The following HSD17B12 variants were observed in gnomAD, a reference collection of about 807,000 sequenced individuals.
HSD17B12 encodes hydroxysteroid 17-beta dehydrogenase 12.
A neutral mutation model predicts 39.3 loss-of-function variants in HSD17B12; 32 were observed. The observed-to-expected ratio is 0.81, with a 90% CI of 0.61 to 1.09. The LOEUF (loss-of-function observed/expected upper bound fraction) is 1.09. Ranked by LOEUF, HSD17B12 falls within the 50% of genes least tolerant of loss-of-function variation. HSD17B12 has a pLI of 0.00. For missense variants in HSD17B12, 342 were observed against 382.9 expected (o/e 0.89, Z 0.89); for synonymous variants, 150 against 146.7 (o/e 1.02, Z -0.16).
intron 1 of HSD17B12, among the ~76,000 whole-genome samples, chr11:43,704,438 T>A (rs912116535): frequency 8.5e-5 from 13 of 152,190 alleles, no homozygotes; most frequent in African/African-American, 2.7e-4. Flanking sequence ...TTGTTTATAG[T>A]TTAATTCTCA....
At chr11:43,784,202 G>A (rs756892806) in intron 3 of HSD17B12, among the ~76,000 whole-genome samples, 5 of 151,900 alleles carry the variant, frequency 3.3e-5, no homozygotes, top group Admixed American at 1.3e-4. Flanking sequence ...CGTTACTGGG[G>A]GCTACATGCA....
intron 3 of HSD17B12, among the ~76,000 whole-genome samples, chr11:43,777,578 C>T (rs1348902680): frequency 1.3e-5 from 2 of 152,102 alleles, no homozygotes; most frequent in Non-Finnish European, 2.9e-5. Context: ...TTCCTGTTCT[C>T]CTAATTGAAT....
At chr11:43,665,449 C>T in the HSD17B12 span, among the ~76,000 whole-genome samples, 1 of 152,116 alleles carries the variant, frequency 6.6e-6, no homozygotes, top group African/African-American at 2.4e-5. Context: ...GAACTCCTGA[C>T]CTCAAGTGAT....
At chr11:43,652,667 A>AC in the HSD17B12 span, among the ~76,000 whole-genome samples, 50 of 151,956 alleles carry the variant, frequency 3.3e-4, 1 homozygote, top group Non-Finnish European at 6.2e-4. Context: ...AAAGGATATT[A>AC]CAAAAAAAAA....
chr11:43,562,871 G>A, the HSD17B12 span, among the ~76,000 whole-genome samples: 1 of 152,210 alleles, frequency 6.6e-6, no homozygotes, highest in Non-Finnish European at 1.5e-5. Context: ...CTTCAGGTAA[G>A]GAGAAAGGGA....
intron 10 of HSD17B12, 33 bp from the exon 11 acceptor site, chr11:43,855,111 T>C (rs1951570328): frequency 4.2e-6 from 6 of 1,415,982 alleles, no homozygotes; most frequent in Non-Finnish European, 5.9e-6. Flanking sequence ...TTGTAGGCTA[T>C]AATTACATAT....
At chr11:43,619,394 C>T in the HSD17B12 span, among the ~76,000 whole-genome samples, 2 of 134,196 alleles carry the variant, frequency 1.5e-5, no homozygotes, top group Admixed American at 8.2e-5. Context: ...TTTTTCTTTT[C>T]TTTTTTTTTT....
chr11:43,836,889 A>G (rs998594021), intron 7 of HSD17B12, among the ~76,000 whole-genome samples: 1 of 152,204 alleles, frequency 6.6e-6, no homozygotes, highest in Non-Finnish European at 1.5e-5. Flanking sequence ...AGACACAGAC[A>G]AAAAATACCA....
chr11:43,737,914 A>G (rs968487547), intron 1 of HSD17B12, among the ~76,000 whole-genome samples: 1 of 152,068 alleles, frequency 6.6e-6, no homozygotes, highest in African/African-American at 2.4e-5. Context: ...TCTACTAAAA[A>G]TACAAAAAAT....
the HSD17B12 span, among the ~76,000 whole-genome samples, chr11:43,564,858 G>T: frequency 1.1e-3 from 167 of 151,942 alleles, no homozygotes; most frequent in Non-Finnish European, 2.0e-3. Context: ...TGAGGGATGA[G>T]GATTAGAGGA....
chr11:43,704,634 C>T (rs1163820695), intron 1 of HSD17B12, among the ~76,000 whole-genome samples: 1 of 152,176 alleles, frequency 6.6e-6, no homozygotes, highest in East Asian at 1.9e-4. Flanking sequence ...ATTTTGATTT[C>T]TTTCCTCTTG....
At chr11:43,740,540 A>G (rs1044633529) in intron 1 of HSD17B12, among the ~76,000 whole-genome samples, 1 of 152,230 alleles carries the variant, frequency 6.6e-6, no homozygotes, top group Admixed American at 6.5e-5. Context: ...GTGGTAATTC[A>G]GTGGTGTTAT....
chr11:43,662,610 C>T, the HSD17B12 span, among the ~76,000 whole-genome samples: 26 of 151,908 alleles, frequency 1.7e-4, 1 homozygote, highest in Middle Eastern at 0.01. Flanking sequence ...TGAAATGAGA[C>T]TTAAAACAAG....
the HSD17B12 span, chr11:43,581,562 C>A: frequency 2.4e-6 from 1 of 416,062 alleles, no homozygotes. The surrounding 1 kb of genome is among the most constrained non-coding windows in gnomAD (Gnocchi z 4.9). Context: ...CGAGCCTTAC[C>A]CGGCCCTTTC....
chr11:43,777,322 A>T (rs748431255), intron 3 of HSD17B12, among the ~76,000 whole-genome samples: 1 of 152,074 alleles, frequency 6.6e-6, no homozygotes, highest in Non-Finnish European at 1.5e-5. Context: ...GGTCCTTCAC[A>T]TCCCTTGTAA....
chr11:43,721,618 CAAAAA>C, intron 1 of HSD17B12, among the ~76,000 whole-genome samples: 1 of 151,728 alleles, frequency 6.6e-6, no homozygotes, highest in African/African-American at 2.4e-5. Flanking sequence ...GACTCCATCT[CAAAAA>C]AGAAAAAGAA....
At chr11:43,699,002 A>C (rs1000847959) in intron 1 of HSD17B12, among the ~76,000 whole-genome samples, 4 of 152,332 alleles carry the variant, frequency 2.6e-5, no homozygotes, top group Admixed American at 6.5e-5. Flanking sequence ...AAACTAATGT[A>C]ACCACTAATT....
intron 1 of HSD17B12, among the ~76,000 whole-genome samples, chr11:43,692,973 C>T (rs112106871): frequency 0.019 from 2,860 of 152,194 alleles, 38 homozygotes; most frequent in Non-Finnish European, 0.026. Context: ...TTTAGTCAGC[C>T]ATTTTGTGAA....
the HSD17B12 span, among the ~76,000 whole-genome samples, chr11:43,662,611 T>A: frequency 6.6e-6 from 1 of 152,072 alleles, no homozygotes; most frequent in African/African-American, 2.4e-5. Flanking sequence ...GAAATGAGAC[T>A]TAAAACAAGG....
Sources: allele counts gnomAD v4.1 joint callset (sites outside exome capture counted in the v4.1 genomes callset), GRCh38; gene constraint gnomAD v4.1.1; non-coding constraint Gnocchi (gnomAD v3.1); transcripts MANE v1.5; gene names NCBI Gene and HGNC (gene_info 2026-07-23, HGNC 2026-07-21).